The following DHTKD1 variants were observed in gnomAD, a reference collection of about 807,000 sequenced individuals.
DHTKD1 encodes dehydrogenase E1 and transketolase domain containing 1, also known as 2-oxoadipate dehydrogenase complex component E1.
A neutral mutation model predicts 101.8 loss-of-function variants in DHTKD1; 78 were observed. That is an observed-to-expected ratio of 0.77 (90% confidence interval 0.64 to 0.93). The LOEUF (loss-of-function observed/expected upper bound fraction) is 0.93, where lower values mean the gene tolerates loss of function less well. DHTKD1 is among the 40% of genes least tolerant of loss of function. DHTKD1 has a pLI of 0.00. For missense variants in DHTKD1, 1,223 were observed against 1,161.7 expected, an observed-to-expected ratio of 1.05 and a Z score of -0.77; for synonymous variants, 462 against 450.3, an observed-to-expected ratio of 1.03 and a Z score of -0.33.
In DHTKD1 at chr10:12,106,287, T is replaced by C. The variant is rs1615510; in HGVS notation, c.1938T>C (p.Phe646=). 1,603,517 of 1,614,130 alleles carry C rather than the reference T, an allele frequency of 0.99. 797,048 individuals carry two copies. The highest frequency in any genetic ancestry group is 1 in the East Asian group (44,866 of 44,866). Residue 646 remains phenylalanine, a synonymous_variant, in exon 11 of 17, where the codon TTT becomes TTC. Coordinates refer to ENST00000263035, the MANE Select transcript of DHTKD1 (RefSeq NM_018706.7). ...TGTCAGAAGAGGCCGTCCTGGGATT[T>C]GAATATGGGATGAGCATTGAGAGCC... ...SPLSEEAVLG[F]EYGMSIESPK... is the part of the protein sequence containing the mutation.
At chr10:12,084,081 C>T (rs1217708317) in intron 2 of DHTKD1, among the ~76,000 whole-genome samples, 1 of 151,924 alleles carries the variant, frequency 6.6e-6, no homozygotes. Context: ...CGCTACCATG[C>T]CCGGCTAATT....
At chr10:12,093,948 G>A (rs970512205) in intron 6 of DHTKD1, 125 bp from the exon 7 acceptor site, 70 of 830,930 alleles carry the variant, frequency 8.4e-5, no homozygotes, top group South Asian at 6.5e-4. Flanking sequence ...AGCTGGGGTT[G>A]TTAACCAAAC....
chr10:12,108,169 T>TAATG (rs776588832), intron 12 of DHTKD1, among the ~76,000 whole-genome samples, 154 bp downstream of exon 12: 10 of 152,350 alleles, frequency 6.6e-5, no homozygotes, highest in Admixed American at 4.6e-4. Context: ...TTTGGAAACG[T>TAATG]AATGCCTCAG....
intron 2 of DHTKD1, among the ~76,000 whole-genome samples, chr10:12,083,157 CAAA>C (rs59049794): frequency 7.6e-6 from 1 of 131,112 alleles, no homozygotes. Flanking sequence ...GACTCCGTCT[CAAA>C]AAAAAAAAAA....
chr10:12,097,440 T>A (rs1304327571), intron 7 of DHTKD1, among the ~76,000 whole-genome samples: 2 of 151,932 alleles, frequency 1.3e-5, no homozygotes, highest in East Asian at 3.9e-4. Flanking sequence ...GCCAAGCTAA[T>A]TTTTTGTATT....
intron 1 of DHTKD1, among the ~76,000 whole-genome samples, chr10:12,076,223 A>G (rs1482152938): frequency 2.6e-5 from 4 of 152,358 alleles, no homozygotes; most frequent in East Asian, 3.9e-4. Context: ...CACGCCTGTA[A>G]TCCCAGCACT....
chr10:12,096,816 G>A (rs149215725), intron 7 of DHTKD1, among the ~76,000 whole-genome samples: 1,590 of 152,292 alleles, frequency 0.01, 37 homozygotes, highest in African/African-American at 0.036. Context: ...GATGATAGAT[G>A]CAACCTGAAA....
chr10:12,068,987 C>G lies in DHTKD1; in HGVS notation c.-47C>G. 2 of 1,607,112 alleles carry G rather than the reference C, an allele frequency of 1.2e-6. No individual in the cohort carries two copies. The highest frequency in any genetic ancestry group is 2.2e-5 in the East Asian group (1 of 44,672). ...CCGGATTTACCAGGGCCGGTGGGAT[C>G]CCCTCGGGCTCCCGCCTTAGCATGC... On this transcript the variant is annotated 5_prime_UTR_variant, in exon 1 of 17. It adds an upstream start codon to the 5' untranslated region. Transcript: ENST00000263035.
At chr10:12,093,850 C>G (rs1325500371) in intron 6 of DHTKD1, among the ~76,000 whole-genome samples, 1 of 152,130 alleles carries the variant, frequency 6.6e-6, no homozygotes, top group Non-Finnish European at 1.5e-5. Context: ...GCCCCATTCC[C>G]GATTTATAGA....
In DHTKD1 at chr10:12,084,729, C is replaced by T. The variant is rs767553524; in HGVS notation, c.500C>T (p.Ser167Leu). 9 of 1,613,918 alleles carry T rather than the reference C, an allele frequency of 5.6e-6. No individual in the cohort carries two copies. The East Asian group carries it at 6.7e-5, about 12-fold the overall frequency. Residue 167 changes from serine (S) to leucine (L), a missense_variant, in exon 3 of 17, where the codon TCG becomes TTG. Ser to Leu is a moderately radical substitution (Grantham distance 145). Transcript: ENST00000263035. ...TFTTEERKHL[S>L]KLMLESQEFD... is the part of the protein sequence containing the mutation. Reference sequence around the variant, plus strand: ...ACCACAGAAGAGCGAAAACATCTGTCGAAACTAATGCTGGAATCTCAGGTA... The same window carrying T: ...ACCACAGAAGAGCGAAAACATCTGTTGAAACTAATGCTGGAATCTCAGGTA...
intron 1 of DHTKD1, among the ~76,000 whole-genome samples, chr10:12,076,807 C>T (rs1220315484): frequency 4.6e-5 from 7 of 151,638 alleles, no homozygotes; most frequent in Admixed American, 2.6e-4. Context: ...TACAGGTGCC[C>T]GCCACCACGC....
chr10:12,100,225 C>A lies in DHTKD1; in HGVS notation c.1719C>A (p.Thr573=), dbSNP rs376488113. Residue 573 remains threonine (T), a synonymous_variant, in exon 9 of 17, where the codon ACC becomes ACA. Transcript: ENST00000263035. ...ACGGAATCAAGCTAGACTGGGCCAC[C>A]GCGGAAGCTCTTGCCTTGGGTTCTT... is the stretch of plus-strand genomic sequence containing the variant. ...MMDGIKLDWA[T]AEALALGSLL... 2 of 1,582,324 alleles carry A rather than the reference C, an allele frequency of 1.3e-6. No individual in the cohort carries two copies. Among genetic ancestry groups the A allele is most frequent in the African/African-American group, 2.7e-5 (2 of 73,150 alleles).
In DHTKD1 at chr10:12,102,752, G is replaced by A. The variant is rs564241570; in HGVS notation, c.1896+1571G>A. ...ATTCGTTCATTTATTTATTTGAGAC[G>A]GAGCCTCACTCTGTCACCCAGGCTG... On this transcript the variant is annotated intron_variant, in intron 10 of 16. Coordinates refer to ENST00000263035, the MANE Select transcript of DHTKD1 (RefSeq NM_018706.7). 2.0e-5 allele frequency among the ~76,000 whole-genome samples: 3 copies of A among 152,018 alleles called. No individual in the cohort carries two copies. In the South Asian group the frequency reaches 6.3e-4, roughly 32 times the overall value.
chr10:12,079,239 C>T (rs1242167474), intron 1 of DHTKD1, among the ~76,000 whole-genome samples: 1 of 152,142 alleles, frequency 6.6e-6, no homozygotes, highest in Non-Finnish European at 1.5e-5. Flanking sequence ...TGTGCACCAC[C>T]ATGCCTGGCT....
Position 12,118,776 on chromosome 10 carries a change from C to T in DHTKD1, c.2430C>T (p.Gly810=). ...TTAAGACCCTCGTGTTCTGCTCCGG[C>T]AAACATTTCTACTCCCTGGTGAAAC... ...KKVKTLVFCS[G]KHFYSLVKQR... Residue 810 remains glycine, a synonymous_variant, in exon 15 of 17, where the codon GGC becomes GGT. Coordinates refer to ENST00000263035, the MANE Select transcript of DHTKD1 (RefSeq NM_018706.7). 6.3e-7 allele frequency: 1 copy of T among 1,595,048 alleles called. No individual in the cohort carries two copies. Among genetic ancestry groups the T allele is most frequent in the Non-Finnish European group, 8.5e-7 (1 of 1,172,208 alleles).
At chr10:12,081,109 C>T (rs1364996413) in intron 1 of DHTKD1, among the ~76,000 whole-genome samples, 2 of 151,470 alleles carry the variant, frequency 1.3e-5, no homozygotes, top group Admixed American at 6.6e-5. Flanking sequence ...GGCCATCCTG[C>T]CTAACATGGT....
chr10:12,076,206 G>A (rs1031894185), intron 1 of DHTKD1, among the ~76,000 whole-genome samples: 7 of 152,192 alleles, frequency 4.6e-5, no homozygotes, highest in African/African-American at 1.4e-4. Context: ...TGCCGAGTGC[G>A]GTGGCTCACG....
rs183539840 is a variant in DHTKD1 at position 12,107,829 on chromosome 10, T to C, written c.2048-80T>C. ...GGGGGGCCAGGCAGAAAACTAACAT[T>C]GATTTCCCCAGCTGAGTCGTGTCAG... On this transcript the variant is annotated intron_variant, in intron 11 of 16. Coordinates refer to ENST00000263035, the MANE Select transcript of DHTKD1 (RefSeq NM_018706.7). This position sits in a 1 kb window ranked among gnomAD's most constrained non-coding sequence, Gnocchi z 4.1. 9.5e-4 allele frequency: 876 copies of C among 921,600 alleles called. No individual in the cohort carries two copies. The highest frequency in any genetic ancestry group is 1.4e-3 in the Non-Finnish European group (799 of 578,598). 57.1% of individuals were successfully genotyped at this position (921,600 alleles called of 1,614,324 possible).
intron 2 of DHTKD1, among the ~76,000 whole-genome samples, chr10:12,084,050 G>A (rs1367234988): frequency 6.6e-6 from 1 of 151,916 alleles, no homozygotes. Flanking sequence ...AGCCTCTCGA[G>A]TAGCTGGGAC....
Sources: allele counts gnomAD v4.1 joint callset (sites outside exome capture counted in the v4.1 genomes callset), GRCh38; gene constraint gnomAD v4.1.1; non-coding constraint Gnocchi (gnomAD v3.1); transcripts MANE v1.5; gene names NCBI Gene and HGNC (gene_info 2026-07-23, HGNC 2026-07-21).